Variants in LRRTM3 observed in about 807,000 individuals in gnomAD.
The protein encoded by LRRTM3 is leucine-rich repeat transmembrane neuronal protein 3.
A neutral mutation model predicts 44.7 loss-of-function variants in LRRTM3; 24 were observed. That is an observed-to-expected ratio of 0.54 (90% CI 0.39 to 0.76). The LOEUF (loss-of-function observed/expected upper bound fraction) is 0.76, where lower values mean the gene tolerates loss of function less well. Among genes scored for constraint, LRRTM3 ranks in the 30% least tolerant of loss-of-function variants. The probability of loss-of-function intolerance (pLI) is 0.00; values close to 1 mark genes in which losing one functional copy is unlikely to be tolerated. For missense variants in LRRTM3, 587 were observed against 702.2 expected (o/e 0.84, Z 1.85); for synonymous variants, 277 against 278.7 (o/e 0.99, Z 0.06).
intron 2 of LRRTM3, among the ~76,000 whole-genome samples, chr10:67,074,921 C>T (rs564376542): frequency 6.6e-6 from 1 of 152,240 alleles, no homozygotes; most frequent in African/African-American, 2.4e-5. Flanking sequence ...AACACACAGA[C>T]ATCATGCTGA....
intron 2 of LRRTM3, among the ~76,000 whole-genome samples, chr10:66,930,316 A>C (rs1158995600): frequency 1.3e-5 from 2 of 152,222 alleles, no homozygotes; most frequent in Non-Finnish European, 2.9e-5. Context: ...CATGACAAAA[A>C]GTCACATATT....
At chr10:66,986,356 G>C (rs1850726970) in intron 2 of LRRTM3, among the ~76,000 whole-genome samples, 1 of 152,002 alleles carries the variant, frequency 6.6e-6, no homozygotes. Context: ...AATTAGCCAG[G>C]CATGGTGGCA....
chr10:66,937,091 T>A (rs1477732690), intron 2 of LRRTM3, among the ~76,000 whole-genome samples: 1 of 151,420 alleles, frequency 6.6e-6, no homozygotes, highest in African/African-American at 2.4e-5. Context: ...ATTTGAGAAT[T>A]TTTTTTTCAG....
intron 2 of LRRTM3, among the ~76,000 whole-genome samples, chr10:66,999,168 G>T (rs188085114): frequency 6.6e-6 from 1 of 151,930 alleles, no homozygotes; most frequent in Non-Finnish European, 1.5e-5. Flanking sequence ...TTCAATTGAT[G>T]GTTTGCACTC....
chr10:66,964,633 C>A (rs371103600), intron 2 of LRRTM3, among the ~76,000 whole-genome samples: 1 of 152,088 alleles, frequency 6.6e-6, no homozygotes, highest in Non-Finnish European at 1.5e-5. Flanking sequence ...GGATTCACTT[C>A]GGAGGAACTG....
intron 2 of LRRTM3, among the ~76,000 whole-genome samples, chr10:67,038,579 G>A (rs1854207582): frequency 6.6e-6 from 1 of 152,040 alleles, no homozygotes. Flanking sequence ...TCAATGCTTT[G>A]AAGAATACAT....
intron 2 of LRRTM3, among the ~76,000 whole-genome samples, chr10:67,000,469 C>G (rs1265303288): frequency 1.3e-5 from 2 of 152,200 alleles, no homozygotes; most frequent in Non-Finnish European, 2.9e-5. Context: ...TGAGAGACAA[C>G]ACCTACTTAC....
At position 67,098,822 on chromosome 10, in the gene LRRTM3, T is replaced by C. The variant is rs1038861290; in HGVS notation, c.*1026T>C. 4 of 151,922 alleles carry C rather than the reference T, an allele frequency of 2.6e-5. No individual in the cohort carries two copies. The highest frequency in any genetic ancestry group is 7.2e-5 in the African/African-American group (3 of 41,418). The allele number at this position is 151,922 out of a possible 1,614,324, so 9.4% of individuals were successfully genotyped here. Reference sequence around the variant, plus strand: ...AGCAATTTTTATCCTAATTAACCCATAGCGGTTTACCTAAAAGTAACCATC... The same window carrying C: ...AGCAATTTTTATCCTAATTAACCCACAGCGGTTTACCTAAAAGTAACCATC... On this transcript the variant is annotated 3_prime_UTR_variant, in exon 3 of 3. Coordinates refer to ENST00000361320, the MANE Select transcript of LRRTM3 (RefSeq NM_178011.5).
chr10:67,044,873 A>G (rs1854630531), intron 2 of LRRTM3, among the ~76,000 whole-genome samples: 1 of 152,194 alleles, frequency 6.6e-6, no homozygotes, highest in African/African-American at 2.4e-5. Context: ...TTATGACCTC[A>G]GATAAGTTTC....
chr10:67,038,706 C>G (rs1167860588), intron 2 of LRRTM3, among the ~76,000 whole-genome samples: 1 of 152,020 alleles, frequency 6.6e-6, no homozygotes, highest in Non-Finnish European at 1.5e-5. Context: ...AAACAATTAA[C>G]AGGGTTAACA....
intron 2 of LRRTM3, among the ~76,000 whole-genome samples, chr10:67,037,381 G>T (rs12358898): frequency 8.0e-6 from 1 of 124,368 alleles, no homozygotes; most frequent in East Asian, 2.1e-4. Context: ...AAAAAAAAAA[G>T]AAAAAAGAAA....
intron 2 of LRRTM3, among the ~76,000 whole-genome samples, chr10:67,067,247 T>A (rs984777652): frequency 1.4e-4 from 22 of 152,186 alleles, no homozygotes; most frequent in Non-Finnish European, 4.4e-5. Flanking sequence ...ATTTATATAT[T>A]TGTCTGTTCG....
intron 2 of LRRTM3, among the ~76,000 whole-genome samples, chr10:66,990,653 T>TA (rs991700248): frequency 5.5e-4 from 84 of 152,224 alleles, no homozygotes; most frequent in African/African-American, 1.7e-3. Context: ...GTGGACCAGA[T>TA]AAGTGTCCTT....
chr10:66,952,481 T>C (rs1216548983), intron 2 of LRRTM3, among the ~76,000 whole-genome samples: 1 of 152,182 alleles, frequency 6.6e-6, no homozygotes, highest in Non-Finnish European at 1.5e-5. Flanking sequence ...CGTCTTGTTT[T>C]TCATTTGATG....
chr10:67,084,097 T>C (rs920748164), intron 2 of LRRTM3, among the ~76,000 whole-genome samples: 2 of 152,026 alleles, frequency 1.3e-5, no homozygotes, highest in Non-Finnish European at 2.9e-5. Context: ...GCACAAAATA[T>C]GATATATTAA....
chr10:67,079,399 T>A (rs1389260990), intron 2 of LRRTM3, among the ~76,000 whole-genome samples: 2 of 152,186 alleles, frequency 1.3e-5, no homozygotes, highest in Admixed American at 1.3e-4. Flanking sequence ...ATCTAACAGA[T>A]GAGCAATCTA....
intron 2 of LRRTM3, among the ~76,000 whole-genome samples, chr10:67,052,313 ACT>A (rs3841706): frequency 0.02 from 2,397 of 121,070 alleles, 44 homozygotes; most frequent in African/African-American, 0.06. Flanking sequence ...CCCACTCATC[ACT>A]CTCTCTCTCT....
intron 2 of LRRTM3, among the ~76,000 whole-genome samples, chr10:67,025,737 T>C (rs1274893804): frequency 6.6e-6 from 1 of 152,120 alleles, no homozygotes; most frequent in Non-Finnish European, 1.5e-5. Context: ...CCAGACAAGT[T>C]ATAATGCCCA....
intron 2 of LRRTM3, among the ~76,000 whole-genome samples, chr10:66,963,179 A>C (rs762992494): frequency 6.6e-6 from 1 of 152,214 alleles, no homozygotes; most frequent in East Asian, 1.9e-4. Context: ...TACTGTAAAA[A>C]CTAACTAGTG....
Sources: gnomAD v4.1 joint callset for allele counts (sites outside exome capture counted in the v4.1 genomes callset) on GRCh38, gnomAD v4.1.1 for gene constraint, MANE v1.5 for transcripts, NCBI Gene and HGNC (gene_info 2026-07-23, HGNC 2026-07-21) for gene names.